MYO16: variants seen among roughly 807,000 people sequenced by gnomAD.
The protein encoded by MYO16 is myosin XVI.
In MYO16, 94 loss-of-function variants were observed where a neutral mutation model predicts 205.3. The observed-to-expected ratio is 0.46, with a 90% CI of 0.39 to 0.54. The LOEUF (loss-of-function observed/expected upper bound fraction) is 0.54. Among genes scored for constraint, MYO16 ranks in the 20% least tolerant of loss-of-function variants. MYO16 has a pLI of 0.00. For missense variants in MYO16, 2,315 were observed against 2,387.5 expected (o/e 0.97, Z 0.63); for synonymous variants, 988 against 954.0 (o/e 1.04, Z -0.66).
chr13:108,731,568 A>G (rs1257765698), intron 4 of MYO16, among the ~76,000 whole-genome samples: 1 of 152,198 alleles, frequency 6.6e-6, no homozygotes, highest in Non-Finnish European at 1.5e-5. Context: ...ATGGATGATC[A>G]TAGAGTTAAA....
chr13:108,503,466 G>C, the MYO16 span, among the ~76,000 whole-genome samples: 1 of 151,462 alleles, frequency 6.6e-6, no homozygotes, highest in Non-Finnish European at 1.5e-5. Flanking sequence ...TTAAATAAAA[G>C]GTCAGAATCT....
At chr13:108,751,487 C>A (rs1290022846) in intron 4 of MYO16, among the ~76,000 whole-genome samples, 1 of 152,080 alleles carries the variant, frequency 6.6e-6, no homozygotes, top group East Asian at 1.9e-4. Flanking sequence ...ATCAACTGTG[C>A]TGAAGATTTC....
chr13:109,072,256 A>G (rs1441812313), intron 27 of MYO16, among the ~76,000 whole-genome samples: 1 of 152,144 alleles, frequency 6.6e-6, no homozygotes, highest in Non-Finnish European at 1.5e-5. Context: ...TGGAGATGCA[A>G]TGGTAGCAAT....
chr13:108,632,136 A>G (rs556462719), intron 1 of MYO16, among the ~76,000 whole-genome samples: 5 of 149,548 alleles, frequency 3.3e-5, no homozygotes, highest in Admixed American at 2.7e-4. Context: ...GGGTTTATTG[A>G]TAAGGATCAT....
upstream of MYO16, among the ~76,000 whole-genome samples, chr13:108,594,530 G>C (rs1013402705): frequency 6.6e-6 from 1 of 152,196 alleles, no homozygotes; most frequent in African/African-American, 2.4e-5. Context: ...TCCCTAGCCA[G>C]GTGATTATTA....
chr13:108,737,705 A>G (rs1884754437), intron 4 of MYO16, among the ~76,000 whole-genome samples: 1 of 152,144 alleles, frequency 6.6e-6, no homozygotes, highest in African/African-American at 2.4e-5. Flanking sequence ...AGTTTCAGAC[A>G]GAATGGTACC....
chr13:108,812,742 G>A (rs1281660939), intron 7 of MYO16, among the ~76,000 whole-genome samples: 1 of 151,964 alleles, frequency 6.6e-6, no homozygotes, highest in Admixed American at 6.6e-5. Flanking sequence ...CCTAATGAGG[G>A]GTGTTTAGGT....
At chr13:108,941,417 A>C (rs1882715852) in intron 16 of MYO16, among the ~76,000 whole-genome samples, 1 of 152,004 alleles carries the variant, frequency 6.6e-6, no homozygotes, top group Non-Finnish European at 1.5e-5. Flanking sequence ...TGAGCTATTA[A>C]AGTGCATGAA....
intron 1 of MYO16, among the ~76,000 whole-genome samples, chr13:108,601,743 T>A (rs1878771117): frequency 1.3e-5 from 2 of 152,104 alleles, no homozygotes; most frequent in Admixed American, 1.3e-4. Flanking sequence ...GTATTTAGAA[T>A]AAGGCAAGGT....
chr13:108,964,437 G>A (rs1883709845), intron 19 of MYO16, among the ~76,000 whole-genome samples: 2 of 152,144 alleles, frequency 1.3e-5, no homozygotes, highest in Non-Finnish European at 2.9e-5. Flanking sequence ...ATCCAAACCA[G>A]TGAGTTGTTA....
At chr13:108,825,293 C>T (rs1384440697) in intron 9 of MYO16, among the ~76,000 whole-genome samples, 1 of 151,946 alleles carries the variant, frequency 6.6e-6, no homozygotes, top group Non-Finnish European at 1.5e-5. Flanking sequence ...AACAAAATCA[C>T]ATGATTATCT....
At chr13:108,673,515 T>A (rs1882080652) in intron 2 of MYO16, among the ~76,000 whole-genome samples, 1 of 152,180 alleles carries the variant, frequency 6.6e-6, no homozygotes, top group Non-Finnish European at 1.5e-5. Flanking sequence ...CTCCATTTTA[T>A]CACAAAATTC....
chr13:108,989,782 GA>G (rs1370962468), intron 20 of MYO16, among the ~76,000 whole-genome samples: 1 of 151,862 alleles, frequency 6.6e-6, no homozygotes, highest in East Asian at 1.9e-4. Context: ...AAGTATATAG[GA>G]AAATATCTTT....
chr13:108,762,103 C>T (rs1189577423), intron 4 of MYO16, among the ~76,000 whole-genome samples: 2 of 152,128 alleles, frequency 1.3e-5, no homozygotes, highest in African/African-American at 4.8e-5. Context: ...TGGTTTTTGA[C>T]TTTGTTTCTG....
At chr13:108,995,209 C>T (rs1488560060) in intron 21 of MYO16, among the ~76,000 whole-genome samples, 1 of 152,110 alleles carries the variant, frequency 6.6e-6, no homozygotes, top group Non-Finnish European at 1.5e-5. Flanking sequence ...TGAGGGCTCT[C>T]TGCTTCATAG....
At chr13:108,767,469 A>AT (rs59870098) in intron 4 of MYO16, among the ~76,000 whole-genome samples, 10,389 of 151,906 alleles carry the variant, frequency 0.068, 610 homozygotes, top group East Asian at 0.24. Context: ...GACATGGTAC[A>AT]TTTTTTTCAA....
chr13:108,784,922 T>C (rs771345665), intron 4 of MYO16, among the ~76,000 whole-genome samples: 9 of 151,954 alleles, frequency 5.9e-5, no homozygotes, highest in Admixed American at 2.6e-4. Context: ...TCCTGAAGAG[T>C]GCAAGCAAAT....
intron 15 of MYO16, among the ~76,000 whole-genome samples, chr13:108,899,583 G>A (rs962587825): frequency 1.3e-5 from 2 of 152,226 alleles, no homozygotes; most frequent in East Asian, 1.9e-4. Flanking sequence ...AGACCTCATC[G>A]GAGAACTGTC....
intron 12 of MYO16, among the ~76,000 whole-genome samples, chr13:108,877,893 A>G (rs1445850646): frequency 6.6e-6 from 1 of 152,200 alleles, no homozygotes; most frequent in East Asian, 1.9e-4. Flanking sequence ...TTCCTTGTTT[A>G]CATACAAATC....
Sources: allele counts gnomAD v4.1 joint callset (sites outside exome capture counted in the v4.1 genomes callset), GRCh38; gene constraint gnomAD v4.1.1; transcripts MANE v1.5; gene names NCBI Gene and HGNC (gene_info 2026-07-23, HGNC 2026-07-21).